DAPK1: variants seen among roughly 807,000 people sequenced by gnomAD.
The protein encoded by DAPK1 is death-associated protein kinase 1.
Under a neutral mutation model 144.9 loss-of-function variants are expected in DAPK1, and 56 were observed. That is an observed-to-expected ratio of 0.39 (90% CI 0.31 to 0.48). The LOEUF (loss-of-function observed/expected upper bound fraction) is 0.48, where lower values mean the gene tolerates loss of function less well. DAPK1 is among the 20% of genes least tolerant of loss of function. The pLI is 0.95. For synonymous variants in DAPK1, 690 were observed against 749.0 expected (o/e 0.92, Z 1.29); for missense variants, 1,454 against 1,875.4 (o/e 0.78, Z 4.15).
intron 2 of DAPK1, among the ~76,000 whole-genome samples, chr9:87,581,643 C>T (rs1446322928): frequency 6.6e-6 from 1 of 152,170 alleles, no homozygotes; most frequent in Non-Finnish European, 1.5e-5. Context: ...ACCCTAGTTC[C>T]CTTCTGGCCT....
At chr9:87,698,229 C>G (rs1243964743) in intron 22 of DAPK1, among the ~76,000 whole-genome samples, 1 of 152,128 alleles carries the variant, frequency 6.6e-6, no homozygotes, top group Non-Finnish European at 1.5e-5. Context: ...TAAACACTCC[C>G]CGAAGTGGGA....
chr9:87,583,444 G>A (rs552096062), intron 2 of DAPK1, among the ~76,000 whole-genome samples: 2 of 152,278 alleles, frequency 1.3e-5, no homozygotes, highest in East Asian at 1.9e-4. Flanking sequence ...CCAAGCAATA[G>A]GCTTGCTAAT....
At chr9:87,604,172 G>C (rs184080749) in intron 2 of DAPK1, among the ~76,000 whole-genome samples, 5 of 151,354 alleles carry the variant, frequency 3.3e-5, no homozygotes, top group South Asian at 4.2e-4. Flanking sequence ...GCGGCTTTGA[G>C]GGGGGGGTTC....
chr9:87,529,340 T>C (rs1481245618), intron 2 of DAPK1, among the ~76,000 whole-genome samples: 1 of 152,222 alleles, frequency 6.6e-6, no homozygotes, highest in Non-Finnish European at 1.5e-5. Flanking sequence ...GAATTGAGGT[T>C]GCTGCAGACC....
intron 3 of DAPK1, among the ~76,000 whole-genome samples, chr9:87,635,431 A>G (rs979724990): frequency 2.0e-5 from 3 of 152,178 alleles, no homozygotes; most frequent in Non-Finnish European, 4.4e-5. Context: ...GAAGAGGGCC[A>G]CGGAGAGAAA....
Position 87,547,723 on chromosome 9 carries a change from G to A in DAPK1, c.62+48584G>A, listed in dbSNP as rs375951207. Among the ~76,000 whole-genome samples, 49 of 152,066 alleles carry A rather than the reference G, an allele frequency of 3.2e-4. No individual in the cohort carries two copies. The East Asian group carries it at 4.5e-3, about 14-fold the overall frequency. ...GGGGTGGGGGTGCAGGGTGGAGATC[G>A]GGGAGGAGTTGAGGCCTCATCTGGA... On this transcript the variant is annotated intron_variant, in intron 2 of 25. Transcript: ENST00000408954.
chr9:87,542,876 A>C (rs976571366), intron 2 of DAPK1, among the ~76,000 whole-genome samples: 1 of 152,234 alleles, frequency 6.6e-6, no homozygotes, highest in African/African-American at 2.4e-5. Context: ...TCCCCAGGAC[A>C]GAGTTCATGG....
intron 3 of DAPK1, among the ~76,000 whole-genome samples, chr9:87,634,796 G>A (rs762596682): frequency 3.3e-5 from 5 of 152,164 alleles, no homozygotes; most frequent in African/African-American, 1.2e-4. Flanking sequence ...GACATCACGT[G>A]GGGAGGGAGT....
intron 23 of DAPK1, 41 bp downstream of exon 23, chr9:87,698,835 C>CCT: frequency 7.4e-7 from 1 of 1,347,318 alleles, no homozygotes; most frequent in Non-Finnish European, 1.1e-6. Flanking sequence ...CGGGTAGCCT[C>CCT]CTCTCCCTGA....
intron 8 of DAPK1, among the ~76,000 whole-genome samples, 167 bp from the exon 9 acceptor site, chr9:87,640,635 T>C (rs939330901): frequency 3.9e-5 from 6 of 152,270 alleles, no homozygotes; most frequent in Non-Finnish European, 7.3e-5. Context: ...AGTCAGTCCC[T>C]GCAGGCACAG....
intron 2 of DAPK1, among the ~76,000 whole-genome samples, chr9:87,533,282 A>T (rs1825754379): frequency 6.6e-6 from 1 of 152,272 alleles, no homozygotes; most frequent in Non-Finnish European, 1.5e-5. Context: ...AACTACATTT[A>T]CCAGTGCTTA....
At chr9:87,510,045 T>C (rs959333296) in intron 2 of DAPK1, among the ~76,000 whole-genome samples, 4 of 152,228 alleles carry the variant, frequency 2.6e-5, no homozygotes, top group African/African-American at 9.6e-5. Context: ...GGCTCCATCG[T>C]ATATTCCATT....
chr9:87,527,719 A>G (rs1419440340), intron 2 of DAPK1, among the ~76,000 whole-genome samples: 1 of 152,218 alleles, frequency 6.6e-6, no homozygotes, highest in African/African-American at 2.4e-5. Flanking sequence ...GTTTCCAAAC[A>G]CTGAGCTTCT....
chr9:87,561,265 G>A (rs998459397), intron 2 of DAPK1, among the ~76,000 whole-genome samples: 13 of 152,066 alleles, frequency 8.5e-5, no homozygotes, highest in Admixed American at 2.6e-4. Flanking sequence ...AGTGGCTCAC[G>A]CTTGTAATCC....
chr9:87,609,332 T>G (rs371155949), intron 3 of DAPK1, among the ~76,000 whole-genome samples: 121 of 152,322 alleles, frequency 7.9e-4, no homozygotes, highest in African/African-American at 2.9e-3. Context: ...ATATGATGCG[T>G]AGGATGCATA....
At chr9:87,514,635 T>C (rs1422119251) in intron 2 of DAPK1, among the ~76,000 whole-genome samples, 1 of 152,206 alleles carries the variant, frequency 6.6e-6, no homozygotes, top group Non-Finnish European at 1.5e-5. Flanking sequence ...GAATGAATGA[T>C]GGAAGGAGGG....
chr9:87,525,553 A>C, intron 2 of DAPK1: 1 of 965,996 alleles, frequency 1.0e-6, no homozygotes, highest in South Asian at 1.4e-5. Context: ...TAAAATAAAC[A>C]TTTGAAAAAA....
chr9:87,599,035 C>T (rs957200576), intron 2 of DAPK1, among the ~76,000 whole-genome samples: 10 of 152,180 alleles, frequency 6.6e-5, no homozygotes, highest in African/African-American at 2.2e-4. Flanking sequence ...AAACCCCTGC[C>T]CTTTGCTTTC....
intron 2 of DAPK1, among the ~76,000 whole-genome samples, chr9:87,549,325 T>C (rs1384595125): frequency 6.6e-6 from 1 of 152,228 alleles, no homozygotes; most frequent in African/African-American, 2.4e-5. Flanking sequence ...CACATTTTCT[T>C]TATCCAATCT....
Sources: allele counts gnomAD v4.1 joint callset (sites outside exome capture counted in the v4.1 genomes callset), GRCh38; gene constraint gnomAD v4.1.1; transcripts MANE v1.5; gene names NCBI Gene and HGNC (gene_info 2026-07-23, HGNC 2026-07-21).